Variants in PACRG observed in about 807,000 individuals in gnomAD.
The protein encoded by PACRG is parkin coregulated.
PACRG carries 29 observed loss-of-function variants against 29.7 expected under a neutral mutation model. The observed-to-expected ratio is 0.98, with a 90% CI of 0.73 to 1.33. The LOEUF (loss-of-function observed/expected upper bound fraction) is 1.33. Among genes scored for constraint, PACRG ranks in the 40% most tolerant of loss-of-function variants. PACRG has a pLI of 0.00. For missense variants in PACRG, 279 were observed against 316.2 expected, an observed-to-expected ratio of 0.88 and a Z score of 0.89; for synonymous variants, 116 against 118.7, an observed-to-expected ratio of 0.98 and a Z score of 0.15.
chr6:162,779,270 C>G (rs1783902625), intron 1 of PACRG, among the ~76,000 whole-genome samples: 1 of 152,188 alleles, frequency 6.6e-6, no homozygotes, highest in Non-Finnish European at 1.5e-5. Flanking sequence ...TTTTCTTTAT[C>G]CAGTCTGTCG....
intron 4 of PACRG, among the ~76,000 whole-genome samples, chr6:163,150,116 G>A (rs1260741894): frequency 1.3e-5 from 2 of 152,174 alleles, no homozygotes; most frequent in African/African-American, 2.4e-5. Flanking sequence ...TCCTGACGCC[G>A]GAGTGGCCTC....
intron 2 of PACRG, among the ~76,000 whole-genome samples, chr6:162,892,177 T>C (rs1215947438): frequency 6.6e-6 from 1 of 152,132 alleles, no homozygotes; most frequent in Non-Finnish European, 1.5e-5. Flanking sequence ...TTACTTTCTG[T>C]TTGCAGTCTG....
intron 1 of PACRG, among the ~76,000 whole-genome samples, chr6:162,737,380 G>T (rs1216416259): frequency 6.6e-6 from 1 of 152,160 alleles, no homozygotes; most frequent in Non-Finnish European, 1.5e-5. Context: ...GATTTAATTA[G>T]TCTTTAATTA....
At chr6:163,309,766 T>G (rs1045220339) in intron 4 of PACRG, among the ~76,000 whole-genome samples, 1 of 152,174 alleles carries the variant, frequency 6.6e-6, no homozygotes, top group Non-Finnish European at 1.5e-5. Context: ...TCTCCTCCCG[T>G]GGACCTGACA....
intron 2 of PACRG, among the ~76,000 whole-genome samples, chr6:163,060,327 G>A (rs1810988961): frequency 6.6e-6 from 1 of 152,068 alleles, no homozygotes; most frequent in South Asian, 2.1e-4. Context: ...TTTTTATTAT[G>A]AAATTAGTAT....
At chr6:163,021,004 C>T (rs1343971444) in intron 2 of PACRG, among the ~76,000 whole-genome samples, 1 of 152,146 alleles carries the variant, frequency 6.6e-6, no homozygotes, top group Admixed American at 6.5e-5. Flanking sequence ...TCTTGCTCTT[C>T]AGAGGCTGTG....
rs370344590 is a variant in PACRG at position 162,968,939 on chromosome 6, C to T, written c.292-93211C>T. On this transcript the variant is annotated intron_variant, in intron 2 of 4. Transcript: ENST00000366888. ...GCGGGCGCCTGTAATCCCAGCTACT[C>T]AGGAGGCTGAGGCAGGAGAATCGCT... 5.1e-3 allele frequency among the ~76,000 whole-genome samples: 770 copies of T among 149,982 alleles called. 11 individuals are homozygous for T. The highest frequency in any genetic ancestry group is 0.018 in the African/African-American group (738 of 40,576).
intron 2 of PACRG, among the ~76,000 whole-genome samples, chr6:162,953,717 A>G (rs1488567693): frequency 1.9e-5 from 2 of 104,258 alleles, no homozygotes; most frequent in South Asian, 6.7e-4. Flanking sequence ...TCCCACCCCC[A>G]TTTCTCTCTC....
chr6:163,063,858 T>A (rs1171691389), intron 3 of PACRG, among the ~76,000 whole-genome samples: 2 of 152,144 alleles, frequency 1.3e-5, no homozygotes, highest in Non-Finnish European at 2.9e-5. Flanking sequence ...TTAAAGGCTG[T>A]CAGGGAGGGT....
intron 2 of PACRG, among the ~76,000 whole-genome samples, chr6:163,008,348 C>G (rs563600929): frequency 1.3e-5 from 2 of 152,126 alleles, no homozygotes; most frequent in East Asian, 1.9e-4. Context: ...CAGAATTTCC[C>G]CAGTAAAATC....
chr6:163,160,772 A>G (rs1350360161), intron 4 of PACRG, among the ~76,000 whole-genome samples: 1 of 152,190 alleles, frequency 6.6e-6, no homozygotes, highest in Non-Finnish European at 1.5e-5. Flanking sequence ...GAAGAATAAT[A>G]TGTAGTCAGC....
rs398003265 is a variant in PACRG at position 163,177,710 on chromosome 6, A to ATTTTTTTTTTTTTTTTTTTTT, written c.613+88309_613+88329dup. On this transcript the variant is annotated intron_variant, in intron 4 of 4. Coordinates refer to ENST00000366888, the MANE Select transcript of PACRG (RefSeq NM_001080379.2). ...TGTTAGCTAAGAAATTAGAAAAGGGATTTTTTTTTTTTTTTTTTTTTTTTT... is the reference window on the plus strand; with the variant it reads ...TGTTAGCTAAGAAATTAGAAAAGGGATTTTTTTTTTTTTTTTTTTTTTTTTTTTTTTTTTTTTTTTTTTTTT... Among the ~76,000 whole-genome samples the ATTTTTTTTTTTTTTTTTTTTT allele has an allele frequency of 1.0e-3, 54 of 53,744 alleles. 14 individuals are homozygous for ATTTTTTTTTTTTTTTTTTTTT. Among genetic ancestry groups the ATTTTTTTTTTTTTTTTTTTTT allele is most frequent in the East Asian group, 2.9e-3 (4 of 1,382 alleles). The allele number at this position is 53,744 out of a possible 152,430, so 35.3% of individuals were successfully genotyped here. A position where few individuals can be genotyped will look rare whatever the true frequency, so the allele number is the denominator to read the frequency against.
At chr6:163,128,383 C>T (rs1816599594) in intron 4 of PACRG, among the ~76,000 whole-genome samples, 1 of 152,120 alleles carries the variant, frequency 6.6e-6, no homozygotes, top group African/African-American at 2.4e-5. Context: ...CAACCAGGGC[C>T]GCTGCTGCAG....
chr6:163,218,273 A>G (rs943108372), intron 4 of PACRG, among the ~76,000 whole-genome samples: 2 of 152,216 alleles, frequency 1.3e-5, no homozygotes, highest in African/African-American at 2.4e-5. Flanking sequence ...GCAGTTATCT[A>G]ACACAGATAG....
At chr6:162,755,651 G>A (rs59616197) in intron 1 of PACRG, among the ~76,000 whole-genome samples, 6,776 of 152,260 alleles carry the variant, frequency 0.045, 515 homozygotes, top group African/African-American at 0.15. Context: ...TGGTCAGGCT[G>A]GTCTTGAATT....
chr6:163,012,539 G>C (rs1414853572), intron 2 of PACRG, among the ~76,000 whole-genome samples: 1 of 152,250 alleles, frequency 6.6e-6, no homozygotes, highest in African/African-American at 2.4e-5. Context: ...GCACACCAGG[G>C]CTGCTGTGAC....
At chr6:163,269,929 A>AG (rs59093129) in intron 4 of PACRG, among the ~76,000 whole-genome samples, 1 of 31,220 alleles carries the variant, frequency 3.2e-5, no homozygotes, top group East Asian at 1.3e-3. Context: ...AAAGAAAGAA[A>AG]ACAAAGAAAG....
At chr6:162,872,364 A>C (rs1792897738) in intron 2 of PACRG, among the ~76,000 whole-genome samples, 1 of 152,214 alleles carries the variant, frequency 6.6e-6, no homozygotes, top group Non-Finnish European at 1.5e-5. Context: ...CTTCTAAATA[A>C]ATCTTATCTC....
At chr6:163,021,920 TTC>T (rs1232245680) in intron 2 of PACRG, among the ~76,000 whole-genome samples, 1 of 152,260 alleles carries the variant, frequency 6.6e-6, no homozygotes, top group Non-Finnish European at 1.5e-5. Context: ...TATGATAACA[TTC>T]TCTTATAAAG....
Sources: gnomAD v4.1 joint callset for allele counts (sites outside exome capture counted in the v4.1 genomes callset) on GRCh38, gnomAD v4.1.1 for gene constraint, MANE v1.5 for transcripts, NCBI Gene and HGNC (gene_info 2026-07-23, HGNC 2026-07-21) for gene names.